The following TBC1D16 variants were observed in gnomAD, a reference collection of about 807,000 sequenced individuals.
The protein encoded by TBC1D16 is CTD-2529O21.1.
Under a neutral mutation model 74.7 loss-of-function variants are expected in TBC1D16, and 58 were observed. The ratio of observed to expected loss-of-function variants is 0.78; its 90% CI spans 0.63 to 0.97. The LOEUF (loss-of-function observed/expected upper bound fraction) is 0.97, where lower values mean the gene tolerates loss of function less well. TBC1D16 is among the 50% of genes least tolerant of loss of function. The pLI, the probability that TBC1D16 is intolerant of heterozygous loss-of-function variation, is 0.00. For missense variants in TBC1D16, 1,014 were observed against 1,079.5 expected (o/e 0.94, Z 0.85); for synonymous variants, 493 against 474.7 (o/e 1.04, Z -0.50).
intron 1 of TBC1D16, among the ~76,000 whole-genome samples, chr17:80,019,445 C>CA (rs1268494054): frequency 2.1e-5 from 3 of 141,736 alleles, no homozygotes; most frequent in South Asian, 2.4e-4. Context: ...GACAACCCCC[C>CA]CCCGCCCCTC....
intron 3 of TBC1D16, among the ~76,000 whole-genome samples, chr17:80,006,684 A>C (rs1427767048): frequency 6.6e-6 from 1 of 150,720 alleles, no homozygotes; most frequent in Non-Finnish European, 1.5e-5. Context: ...TTCCAGACAG[A>C]GTATCTCTCT....
chr17:79,940,590 G>C lies in TBC1D16; in HGVS notation c.*269C>G. ...CCAGGGCAGCCAGCAGGAGAGCCCA[G>C]CCAGCCTGCGTCTCAGGTGCGGTGG... On this transcript the variant is annotated 3_prime_UTR_variant, in exon 12 of 12. Transcript: ENST00000310924. The surrounding 1 kb of genome is among the most constrained non-coding windows in gnomAD (Gnocchi z 5.4). The C allele has an allele frequency of 2.9e-6, 1 of 343,516 alleles. No homozygotes were observed. Among genetic ancestry groups the C allele is most frequent in the African/African-American group, 2.1e-5 (1 of 47,834 alleles). The allele number at this position is 343,516 out of a possible 1,614,324, so 21.3% of individuals were successfully genotyped here.
At chr17:79,952,921 C>G in intron 3 of TBC1D16, 103 bp from the exon 4 acceptor site, 4 of 1,364,394 alleles carry the variant, frequency 2.9e-6, no homozygotes, top group Non-Finnish European at 4.0e-6. Flanking sequence ...ACGCACCAAG[C>G]TTAAACACAC....
chr17:79,991,198 G>A (rs1479183583), intron 3 of TBC1D16, among the ~76,000 whole-genome samples: 8 of 152,212 alleles, frequency 5.3e-5, no homozygotes, highest in African/African-American at 1.7e-4. Flanking sequence ...GGGCTGTCCC[G>A]GGGGCGGTCC....
Position 79,950,857 on chromosome 17 carries a change from T to C in TBC1D16, c.1090-279A>G. 13 of 1,522,050 alleles carry C rather than the reference T, an allele frequency of 8.5e-6. No individual in the cohort carries two copies. The highest frequency in any genetic ancestry group is 1.2e-5 in the South Asian group (1 of 82,660). The allele number at this position is 1,522,050 out of a possible 1,614,324, so 94.3% of individuals were successfully genotyped here. ...ACCCCAGCCGCAAAAACGGAATGAA[T>C]GCCTCGTTCGGCCTAACTTCCCTCT... On this transcript the variant is annotated intron_variant, in intron 5 of 11. Coordinates refer to ENST00000310924, the MANE Select transcript of TBC1D16 (RefSeq NM_019020.4). This position sits in a 1 kb window ranked among gnomAD's most constrained non-coding sequence, Gnocchi z 4.6.
rs2035480431 is a variant in TBC1D16, at chr17:80,001,416, A to T, written c.779+8744T>A. On this transcript the variant is annotated intron_variant, in intron 3 of 11. Coordinates refer to ENST00000310924, the MANE Select transcript of TBC1D16 (RefSeq NM_019020.4). This position sits in a 1 kb window ranked among gnomAD's most constrained non-coding sequence, Gnocchi z 5.8. ...GAAATAAATCTCAGCTCCCGGTTAC[A>T]GAAGCACAAACAAACCCAAACAACA... is the stretch of plus-strand genomic sequence containing the variant. 1.3e-5 allele frequency among the ~76,000 whole-genome samples: 2 copies of T among 152,224 alleles called. No homozygotes were observed. The highest frequency in any genetic ancestry group is 2.9e-5 in the Non-Finnish European group (2 of 68,030).
Position 79,950,336 on chromosome 17 carries a change from C to G in TBC1D16, c.1257+75G>C. 9 of 1,475,074 alleles carry G rather than the reference C, an allele frequency of 6.1e-6. No individual in the cohort carries two copies. The highest frequency in any genetic ancestry group is 7.2e-6 in the Non-Finnish European group (8 of 1,116,076). 91.4% of individuals were successfully genotyped at this position (1,475,074 alleles called of 1,614,324 possible). A position where few individuals can be genotyped will look rare whatever the true frequency, so the allele number is the denominator to read the frequency against. On this transcript the variant is annotated intron_variant, in intron 6 of 11. Coordinates refer to ENST00000310924, the MANE Select transcript of TBC1D16 (RefSeq NM_019020.4). This position sits in a 1 kb window ranked among gnomAD's most constrained non-coding sequence, Gnocchi z 4.6. ...GTGCGGGCGGGCGGCCAGGCCCCGG[C>G]CCTCCTTCCCTCTCGCTCGTTCCCG...
Position 79,981,980 on chromosome 17 carries a change from T to C in TBC1D16, c.779+28180A>G, listed in dbSNP as rs1364012713. Among the ~76,000 whole-genome samples the C allele has an allele frequency of 6.6e-6, 1 of 152,188 alleles. No individual in the cohort carries two copies. The highest frequency in any genetic ancestry group is 1.5e-5 in the Non-Finnish European group (1 of 68,020). On this transcript the variant is annotated intron_variant, in intron 3 of 11. Coordinates refer to ENST00000310924, the MANE Select transcript of TBC1D16 (RefSeq NM_019020.4). This position sits in a 1 kb window ranked among gnomAD's most constrained non-coding sequence, Gnocchi z 6.9. ...AAGTGAGATTGTGCTGTCAACATTG[T>C]GTTACGCCTGGAATTTTTCAGTTAC...
intron 3 of TBC1D16, among the ~76,000 whole-genome samples, chr17:79,973,753 G>T (rs1335865000): frequency 6.6e-6 from 1 of 151,528 alleles, no homozygotes; most frequent in African/African-American, 2.4e-5. Context: ...AATTATCCAG[G>T]CATGGTGGTG....
At chr17:80,005,803 G>A (rs143613988) in intron 3 of TBC1D16, among the ~76,000 whole-genome samples, 1 of 152,112 alleles carries the variant, frequency 6.6e-6, no homozygotes, top group South Asian at 2.1e-4. Flanking sequence ...GGTAGCACAC[G>A]AATGTGGGCA....
chr17:80,013,016 C>G (rs1414790406), intron 2 of TBC1D16, among the ~76,000 whole-genome samples: 1 of 152,218 alleles, frequency 6.6e-6, no homozygotes, highest in Non-Finnish European at 1.5e-5. Context: ...TGGCCACTCC[C>G]ATGAGGTTGT....
rs560743027 is a variant in TBC1D16, at chr17:79,979,831, G to A, written c.780-27013C>T. Reference sequence around the variant, plus strand: ...CCAGAGAATAACCAAGTAGCAAGGAGGGGAGGGGTCTTCACAGACAGAGGC... The same window carrying A: ...CCAGAGAATAACCAAGTAGCAAGGAAGGGAGGGGTCTTCACAGACAGAGGC... On this transcript the variant is annotated intron_variant, in intron 3 of 11. Coordinates refer to ENST00000310924, the MANE Select transcript of TBC1D16 (RefSeq NM_019020.4). The surrounding 1 kb of genome is among the most constrained non-coding windows in gnomAD (Gnocchi z 4.8). 6.6e-6 allele frequency among the ~76,000 whole-genome samples: 1 copy of A among 152,152 alleles called. No individual in the cohort carries two copies. Among genetic ancestry groups the A allele is most frequent in the Admixed American group, 6.5e-5 (1 of 15,290 alleles).
chr17:80,033,105 A>G (rs561316111), intron 1 of TBC1D16, among the ~76,000 whole-genome samples: 1 of 152,344 alleles, frequency 6.6e-6, no homozygotes, highest in South Asian at 2.1e-4. Flanking sequence ...TCAAAGCACA[A>G]AAACAAAATG....
At chr17:79,952,862 C>A in intron 3 of TBC1D16, 44 bp from the exon 4 acceptor site, 2 of 1,569,874 alleles carry the variant, frequency 1.3e-6, no homozygotes, top group Non-Finnish European at 1.7e-6. Flanking sequence ...TTCTCCCTGC[C>A]CACACTACCC....
At chr17:79,960,152 G>GA (rs1453968763) in intron 3 of TBC1D16, among the ~76,000 whole-genome samples, 6 of 152,020 alleles carry the variant, frequency 3.9e-5, no homozygotes, top group Admixed American at 2.6e-4. Context: ...CACAGACTGG[G>GA]AAAAAGATAT....
rs2033235501 is a variant in TBC1D16 at position 79,954,415 on chromosome 17, TC to T, written c.780-1598del. Among the ~76,000 whole-genome samples, 1 of 152,194 alleles carries T rather than the reference TC, an allele frequency of 6.6e-6. No individual in the cohort carries two copies. The highest frequency in any genetic ancestry group is 6.5e-5 in the Admixed American group (1 of 15,288). Reference sequence around the variant, plus strand: ...CTGGTGAGTGGCAGGTGGCCTTTCTTCCCCACCTGCCTAAGGAAGTCAGCCG... The same window carrying T: ...CTGGTGAGTGGCAGGTGGCCTTTCTTCCCACCTGCCTAAGGAAGTCAGCCG... On this transcript the variant is annotated intron_variant, in intron 3 of 11. Coordinates refer to ENST00000310924, the MANE Select transcript of TBC1D16 (RefSeq NM_019020.4). This position sits in a 1 kb window ranked among gnomAD's most constrained non-coding sequence, Gnocchi z 5.5.
At chr17:79,972,093 G>C (rs995388865) in intron 3 of TBC1D16, among the ~76,000 whole-genome samples, 15 of 152,360 alleles carry the variant, frequency 9.8e-5, no homozygotes, top group African/African-American at 3.4e-4. Context: ...GCAGCCCAGT[G>C]TCCATCGATG....
chr17:79,977,407 G>A (rs983262175), intron 3 of TBC1D16, among the ~76,000 whole-genome samples: 2 of 152,182 alleles, frequency 1.3e-5, no homozygotes, highest in Non-Finnish European at 2.9e-5. Context: ...CTTCCCTGAC[G>A]CCTCATCCCT....
intron 3 of TBC1D16, among the ~76,000 whole-genome samples, chr17:79,999,064 C>G (rs558127205): frequency 2.0e-5 from 3 of 151,964 alleles, no homozygotes; most frequent in Non-Finnish European, 4.4e-5. Flanking sequence ...GAGACCAGCC[C>G]GGCCAACACG....
Sources: allele counts gnomAD v4.1 joint callset (sites outside exome capture counted in the v4.1 genomes callset), GRCh38; gene constraint gnomAD v4.1.1; non-coding constraint Gnocchi (gnomAD v3.1); transcripts MANE v1.5; gene names NCBI Gene and HGNC (gene_info 2026-07-23, HGNC 2026-07-21).